Variants in ZNF571 observed in about 807,000 individuals in gnomAD.
The protein encoded by ZNF571 is zinc finger protein 571.
Under a neutral mutation model 7.7 loss-of-function variants are expected in ZNF571, and 4 were observed. The ratio of observed to expected loss-of-function variants is 0.52; its 90% confidence interval spans 0.25 to 1.18. ZNF571 has a LOEUF of 1.18. ZNF571 is among the 50% of genes most tolerant of loss of function. ZNF571 has a pLI of 0.14. For missense variants in ZNF571, 704 were observed against 726.9 expected (o/e 0.97, Z 0.36); for synonymous variants, 251 against 232.4 (o/e 1.08, Z -0.73).
intron 1 of ZNF571, among the ~76,000 whole-genome samples, chr19:37,589,068 C>T (rs1259970928): frequency 6.6e-6 from 1 of 151,706 alleles, no homozygotes; most frequent in Non-Finnish European, 1.5e-5. Context: ...GGTGTGGTGG[C>T]GGGTGCTTGT....
At chr19:37,593,529 T>C (rs889342893) in intron 1 of ZNF571, among the ~76,000 whole-genome samples, 2 of 152,004 alleles carry the variant, frequency 1.3e-5, no homozygotes, top group African/African-American at 4.8e-5. Flanking sequence ...CGGTGAAACC[T>C]CGTCTCTACT....
chr19:37,582,107 G>T lies in ZNF571; in HGVS notation c.136+1864C>A, dbSNP rs544071384. On this transcript the variant is annotated intron_variant, in intron 3 of 3. Transcript: ENST00000451802. ...TGTAAACTCTATTTGTAACTTTGAG[G>T]GTTCCTCAAATGGGCCTTCAACAGT... Among the ~76,000 whole-genome samples, 4 of 152,172 alleles carry T rather than the reference G, an allele frequency of 2.6e-5. No homozygotes were observed. In the South Asian group the frequency reaches 6.2e-4, roughly 24 times the overall value.
At chr19:37,575,907 T>A (rs1210523612) in intron 3 of ZNF571, 3 of 152,212 alleles carry the variant, frequency 2.0e-5, no homozygotes, top group African/African-American at 7.2e-5. Context: ...GACACAAACA[T>A]ATACACACAA....
chr19:37,589,437 CAA>C (rs2043799329), intron 1 of ZNF571, among the ~76,000 whole-genome samples: 1 of 150,782 alleles, frequency 6.6e-6, no homozygotes. Context: ...CGAGGGAAAA[CAA>C]GAGAAAGACA....
intron 3 of ZNF571, among the ~76,000 whole-genome samples, chr19:37,580,519 G>C (rs1402556010): frequency 2.6e-5 from 4 of 152,186 alleles, no homozygotes; most frequent in Admixed American, 2.6e-4. Flanking sequence ...GCTATGGTTT[G>C]GATGTGGTTT....
At chr19:37,592,140 C>T (rs1043183712) in intron 1 of ZNF571, among the ~76,000 whole-genome samples, 2 of 151,962 alleles carry the variant, frequency 1.3e-5, no homozygotes, top group African/African-American at 4.8e-5. Flanking sequence ...TGCCTGTAAT[C>T]CCAGCTACTC....
chr19:37,588,610 C>T (rs1273629014), intron 1 of ZNF571, among the ~76,000 whole-genome samples: 1 of 152,202 alleles, frequency 6.6e-6, no homozygotes, highest in Non-Finnish European at 1.5e-5. Flanking sequence ...ATCAGGTATC[C>T]TGCTCACTAC....
chr19:37,588,443 G>T lies in ZNF571; in HGVS notation c.-69-1698C>A, dbSNP rs111688041. Among the ~76,000 whole-genome samples, 1,224 of 152,260 alleles carry T rather than the reference G, an allele frequency of 8.0e-3. 13 individuals carry two copies. The highest frequency in any genetic ancestry group is 0.028 in the African/African-American group (1,156 of 41,546). On this transcript the variant is annotated intron_variant, in intron 1 of 3. Transcript: ENST00000451802. ...GTGGCTAGAGGCCATTATCCTAAATGAATTAACACAGAAACAAAACCAAAT... is the reference window on the plus strand; with the variant it reads ...GTGGCTAGAGGCCATTATCCTAAATTAATTAACACAGAAACAAAACCAAAT...
intron 3 of ZNF571, among the ~76,000 whole-genome samples, chr19:37,571,455 C>T (rs2043048623): frequency 6.6e-6 from 1 of 152,134 alleles, no homozygotes; most frequent in African/African-American, 2.4e-5. Flanking sequence ...GAGATCACAC[C>T]ACTGCACTCC....
chr19:37,564,979 A>G lies in ZNF571; in HGVS notation c.1449T>C (p.Phe483=). ...GATATGTAAGTTGTGTAGCACGTAC[A>G]AAGGTCTTCCCACATTCCTTACATT... ...HYECKECGKT[F]VRATQLTYHQ... Residue 483 remains phenylalanine (F), a synonymous_variant, in exon 4 of 4, where the codon TTT becomes TTC. Transcript: ENST00000451802. 6.2e-7 allele frequency: 1 copy of G among 1,613,926 alleles called. No individual in the cohort carries two copies. The highest frequency in any genetic ancestry group is 1.1e-5 in the South Asian group (1 of 91,060).
At position 37,566,137 on chromosome 19, in the gene ZNF571, C is replaced by G. The variant is rs1261509504; in HGVS notation, c.291G>C (p.Glu97Asp). The G allele has an allele frequency of 3.7e-6, 6 of 1,614,010 alleles. No homozygotes were observed. Among genetic ancestry groups the G allele is most frequent in the South Asian group, 1.1e-5 (1 of 91,076 alleles). The change falls in exon 4 of 4, where the codon GAG (glutamate) becomes GAC (aspartate). Residue 97 changes from glutamate to aspartate, a missense_variant. Transcript: ENST00000451802. ...GDNMECKGNL[E>D]GQEASQEGLY... is the part of the protein sequence containing the mutation. ...GCCCTTCCTGACTTGCTTCTTGACC[C>G]TCTAAGTTGCCTTTGCACTCCATAT...
At chr19:37,580,268 C>T (rs1238288171) in intron 3 of ZNF571, among the ~76,000 whole-genome samples, 1 of 152,210 alleles carries the variant, frequency 6.6e-6, no homozygotes, top group East Asian at 1.9e-4. Context: ...GACATCAATC[C>T]TCATGATATA....
rs529746011 is a variant in ZNF571 at position 37,570,984 on chromosome 19, T to G, written c.137-4693A>C. ...CAAATTACTCTAATTTTAAATCTAC[T>G]AACAGTATATAGCCTATTTCTAATA... On this transcript the variant is annotated intron_variant, in intron 3 of 3. Transcript: ENST00000451802. 4.6e-5 allele frequency among the ~76,000 whole-genome samples: 7 copies of G among 152,340 alleles called. No individual in the cohort carries two copies. In the South Asian group the frequency reaches 1.5e-3, roughly 32 times the overall value.
intron 3 of ZNF571, among the ~76,000 whole-genome samples, chr19:37,572,556 C>T (rs1214007427): frequency 6.6e-6 from 1 of 152,166 alleles, no homozygotes; most frequent in Non-Finnish European, 1.5e-5. Flanking sequence ...TGGCTCAGTA[C>T]TAGCTCTGGT....
At chr19:37,571,024 A>G (rs113212964) in intron 3 of ZNF571, among the ~76,000 whole-genome samples, 1 of 152,206 alleles carries the variant, frequency 6.6e-6, no homozygotes, top group Non-Finnish European at 1.5e-5. Flanking sequence ...TATGAGGAAT[A>G]ATTATAACAA....
intron 3 of ZNF571, among the ~76,000 whole-genome samples, chr19:37,568,840 T>C (rs1449462166): frequency 6.6e-6 from 1 of 152,056 alleles, no homozygotes; most frequent in Non-Finnish European, 1.5e-5. Context: ...GGAGGAGTCA[T>C]TTTAGGAGGT....
At position 37,565,828 on chromosome 19, in the gene ZNF571, A is replaced by G; in HGVS notation, c.600T>C (p.Cys200=). ...TGEKPYECME[C]GKAFGRTSDL... is the part of the protein sequence containing the mutation. ...CAGAAGTACGACCAAAGGCCTTTCC[A>G]CATTCCATACACTCATAAGGTTTCT... is the stretch of plus-strand genomic sequence containing the variant. Residue 200 remains cysteine (C), a synonymous_variant, in exon 4 of 4, where the codon TGT becomes TGC. Transcript: ENST00000451802. The G allele has an allele frequency of 6.2e-7, 1 of 1,613,742 alleles. No individual in the cohort carries two copies. The highest frequency in any genetic ancestry group is 8.5e-7 in the Non-Finnish European group (1 of 1,179,766).
At chr19:37,567,070 C>G (rs1410003930) in intron 3 of ZNF571, among the ~76,000 whole-genome samples, 1 of 152,156 alleles carries the variant, frequency 6.6e-6, no homozygotes, top group African/African-American at 2.4e-5. Flanking sequence ...AATGCCCTTC[C>G]TCTAGATACC....
intron 3 of ZNF571, among the ~76,000 whole-genome samples, chr19:37,576,335 C>G (rs921434662): frequency 6.6e-6 from 1 of 152,136 alleles, no homozygotes; most frequent in Admixed American, 6.5e-5. Context: ...AGGTTTGGTC[C>G]TGGCCTCTTT....
Sources: allele counts gnomAD v4.1 joint callset (sites outside exome capture counted in the v4.1 genomes callset), GRCh38; gene constraint gnomAD v4.1.1; transcripts MANE v1.5; gene names NCBI Gene and HGNC (gene_info 2026-07-23, HGNC 2026-07-21).